ATL3: variants seen among roughly 807,000 people sequenced by gnomAD.
ATL3 encodes the protein atlastin GTPase 3.
ATL3 carries 49 observed loss-of-function variants against 69.5 expected under a neutral mutation model. That is an observed-to-expected ratio of 0.71 (90% confidence interval 0.56 to 0.89). The LOEUF (loss-of-function observed/expected upper bound fraction) is 0.89. ATL3 is among the 40% of genes least tolerant of loss of function. The probability of loss-of-function intolerance (pLI) is 0.00; values close to 1 mark genes in which losing one functional copy is unlikely to be tolerated. For synonymous variants in ATL3, 214 were observed against 224.1 expected (o/e 0.95, Z 0.40); for missense variants, 606 against 645.7 (o/e 0.94, Z 0.67).
chr11:63,632,094 T>C (rs1016713254), intron 11 of ATL3: 6 of 266,362 alleles, frequency 2.3e-5, no homozygotes, highest in African/African-American at 8.9e-5. Flanking sequence ...CCTGAAATCA[T>C]GGATCACCCA....
intron 6 of ATL3, 129 bp from the exon 7 acceptor site, chr11:63,644,390 T>C: frequency 3.3e-6 from 2 of 610,642 alleles, no homozygotes; most frequent in Non-Finnish European, 5.7e-6. Context: ...ACCTTTTTTT[T>C]TTTTTTTTTT....
intron 1 of ATL3, among the ~76,000 whole-genome samples, chr11:63,667,150 T>G (rs1293917787): frequency 1.3e-5 from 2 of 152,164 alleles, no homozygotes; most frequent in Non-Finnish European, 2.9e-5. Flanking sequence ...TTCTCACTGA[T>G]CAACGTAGTG....
intron 1 of ATL3, among the ~76,000 whole-genome samples, chr11:63,663,762 C>T (rs1940492617): frequency 6.6e-6 from 1 of 152,222 alleles, no homozygotes; most frequent in Non-Finnish European, 1.5e-5. Flanking sequence ...GCAGAGATGT[C>T]TGGTTGTTCC....
chr11:63,653,877 G>C (rs775381903), intron 3 of ATL3, among the ~76,000 whole-genome samples: 2 of 152,116 alleles, frequency 1.3e-5, no homozygotes, highest in Non-Finnish European at 2.9e-5. Context: ...GAATGTTTAG[G>C]GCAGTGTGAC....
At chr11:63,645,836 C>T (rs1446713118) in intron 6 of ATL3, among the ~76,000 whole-genome samples, 2 of 151,868 alleles carry the variant, frequency 1.3e-5, no homozygotes, top group South Asian at 2.1e-4. Context: ...GGCATGACCT[C>T]GGCTCACTGT....
chr11:63,629,481 T>G lies in ATL3; in HGVS notation c.1540-76A>C. ...AACAAGAAAGTAAGTCCTTAAACTT[T>G]CAAAAACCTGTCTCCATCATCGGCA... On this transcript the variant is annotated intron_variant, in intron 12 of 12. Coordinates refer to ENST00000398868, the MANE Select transcript of ATL3 (RefSeq NM_015459.5). 3 of 1,279,298 alleles carry G rather than the reference T, an allele frequency of 2.3e-6. No homozygotes were observed. The Admixed American group carries it at 5.4e-5, about 23-fold the overall frequency. 79.2% of individuals were successfully genotyped at this position (1,279,298 alleles called of 1,614,324 possible). A position where few individuals can be genotyped will look rare whatever the true frequency, so the allele number is the denominator to read the frequency against.
intron 10 of ATL3, among the ~76,000 whole-genome samples, chr11:63,635,306 C>G (rs146755935): frequency 2.6e-5 from 4 of 151,924 alleles, no homozygotes; most frequent in Non-Finnish European, 4.4e-5. Context: ...AAGACTAGGC[C>G]CAGTGAGGAG....
At chr11:63,667,411 C>CA (rs1356419751) in intron 1 of ATL3, among the ~76,000 whole-genome samples, 1 of 151,778 alleles carries the variant, frequency 6.6e-6, no homozygotes, top group Non-Finnish European at 1.5e-5. Flanking sequence ...CTCACTGCAA[C>CA]CTCCACCTCC....
chr11:63,648,846 G>A lies in ATL3; in HGVS notation c.562-2283C>T, dbSNP rs148729353. On this transcript the variant is annotated intron_variant, in intron 5 of 12. Coordinates refer to ENST00000398868, the MANE Select transcript of ATL3 (RefSeq NM_015459.5). ...GCAAAAAAACAAAAAGGCCAGGCAC[G>A]GCGGCTCACATCTGTAATCCTGGCA... Among the ~76,000 whole-genome samples, 681 of 151,510 alleles carry A rather than the reference G, an allele frequency of 4.5e-3. 2 individuals carry two copies. The highest frequency in any genetic ancestry group is 7.2e-3 in the Admixed American group (109 of 15,200).
At chr11:63,632,873 T>C (rs909646041) in intron 11 of ATL3, among the ~76,000 whole-genome samples, 153 bp downstream of exon 11, 1 of 152,210 alleles carries the variant, frequency 6.6e-6, no homozygotes, top group South Asian at 2.1e-4. Flanking sequence ...GAAATGGTAA[T>C]AATTAGAAGG....
chr11:63,671,545 G>T (rs1277655608), upstream of ATL3: 1 of 1,428,360 alleles, frequency 7.0e-7, no homozygotes, highest in Non-Finnish European at 9.2e-7. Context: ...GGCGAGCGCA[G>T]GACGAGGCTA....
chr11:63,668,386 C>T (rs1272671344), intron 1 of ATL3, among the ~76,000 whole-genome samples: 5 of 152,102 alleles, frequency 3.3e-5, no homozygotes, highest in Admixed American at 1.3e-4. Flanking sequence ...TTTTATATAC[C>T]GTTTTGTCTT....
At chr11:63,652,641 T>C (rs1416653130) in intron 3 of ATL3, 66 bp from the exon 4 acceptor site, 11 of 1,228,474 alleles carry the variant, frequency 9.0e-6, no homozygotes, top group Non-Finnish European at 1.3e-5. Flanking sequence ...AAAGGAGAAA[T>C]TGAAAAGTAC....
intron 1 of ATL3, among the ~76,000 whole-genome samples, chr11:63,667,486 G>T (rs1260921055): frequency 6.6e-6 from 1 of 152,016 alleles, no homozygotes; most frequent in Non-Finnish European, 1.5e-5. Flanking sequence ...AGTGGGCCGG[G>T]TGCAATGGCT....
intron 11 of ATL3, chr11:63,632,541 T>A (rs1038874534): frequency 2.3e-6 from 2 of 858,872 alleles, no homozygotes; most frequent in Non-Finnish European, 4.1e-6. Context: ...GCTACAGTTA[T>A]GTCCCAGTGG....
intron 12 of ATL3, 97 bp from the exon 13 acceptor site, chr11:63,629,502 C>A: frequency 2.0e-6 from 2 of 1,016,316 alleles, no homozygotes; most frequent in South Asian, 1.4e-5. Flanking sequence ...TCTCCATCAT[C>A]GGCATGTTAC....
chr11:63,638,787 A>C (rs997229704), intron 8 of ATL3, among the ~76,000 whole-genome samples: 19 of 152,186 alleles, frequency 1.2e-4, no homozygotes, highest in Admixed American at 3.9e-4. Context: ...GCAGCTCAGC[A>C]TCAGTTATAC....
intron 1 of ATL3, among the ~76,000 whole-genome samples, chr11:63,670,815 C>G (rs1196006384): frequency 6.6e-6 from 1 of 152,234 alleles, no homozygotes; most frequent in Non-Finnish European, 1.5e-5. Flanking sequence ...CCAAATAAAC[C>G]AGCATTCACC....
At position 63,631,128 on chromosome 11, in the gene ATL3, A is replaced by G. The variant is rs773136140; in HGVS notation, c.1451T>C (p.Leu484Pro). 39 of 1,614,030 alleles carry G rather than the reference A, an allele frequency of 2.4e-5. No homozygotes were observed. In the Middle Eastern group the frequency reaches 4.9e-4, roughly 20 times the overall value. Residue 484 changes from leucine to proline, a missense_variant, in exon 12 of 13, where the codon CTC becomes CCC. Physicochemically the swap from Leu to Pro is moderately conservative, Grantham distance 98. Coordinates refer to ENST00000398868, the MANE Select transcript of ATL3 (RefSeq NM_015459.5). ...NCMVGLLLIA[L>P]LTWGYIRYSG... ...ATACCTGATGTAGCCCCAGGTGAGG[A>G]GTGCTATTAACAGTAGTCCAACCAT...
Sources: gnomAD v4.1 joint callset for allele counts (sites outside exome capture counted in the v4.1 genomes callset) on GRCh38, gnomAD v4.1.1 for gene constraint, MANE v1.5 for transcripts, NCBI Gene and HGNC (gene_info 2026-07-23, HGNC 2026-07-21) for gene names.